Variants in ENOX1 observed in about 807,000 individuals in gnomAD.
ENOX1 encodes ecto-NOX disulfide-thiol exchanger 1.
In ENOX1, 42 loss-of-function variants were observed where a neutral mutation model predicts 82.5. That is an observed-to-expected ratio of 0.51 (90% CI 0.40 to 0.66). The LOEUF is 0.66. ENOX1 is among the 30% of genes least tolerant of loss of function. The probability of loss-of-function intolerance (pLI) is 0.00; values close to 1 mark genes in which losing one functional copy is unlikely to be tolerated. For missense variants in ENOX1, 608 were observed against 811.6 expected (o/e 0.75, Z 3.05); for synonymous variants, 271 against 282.2 (o/e 0.96, Z 0.40).
intron 1 of ENOX1, among the ~76,000 whole-genome samples, chr13:43,763,076 A>G (rs1229471901): frequency 6.6e-6 from 1 of 152,214 alleles, no homozygotes; most frequent in Non-Finnish European, 1.5e-5. Flanking sequence ...AAATAATTTT[A>G]TTCAACCTTC....
chr13:43,460,441 T>C (rs1396194544), intron 3 of ENOX1, among the ~76,000 whole-genome samples: 3 of 152,158 alleles, frequency 2.0e-5, no homozygotes, highest in Non-Finnish European at 2.9e-5. Flanking sequence ...GGTAGTAGGA[T>C]GGCCAACTGT....
At chr13:43,465,660 A>G (rs2057687304) in intron 3 of ENOX1, among the ~76,000 whole-genome samples, 1 of 152,198 alleles carries the variant, frequency 6.6e-6, no homozygotes. Flanking sequence ...ATAAATACAT[A>G]TTCAAACCCA....
rs1286628884 is a variant in ENOX1, at chr13:43,786,365, G to T, written c.-285+287C>A. On this transcript the variant is annotated intron_variant, in intron 1 of 16. Transcript: ENST00000690772. The surrounding 1 kb of genome is among the most constrained non-coding windows in gnomAD (Gnocchi z 6.0). Reference sequence around the variant, plus strand: ...CCGGAGCTGACACTGGCTGGCGGGCGGAGGGGAGAGCGGGGAACAGCTGTC... The same window carrying T: ...CCGGAGCTGACACTGGCTGGCGGGCTGAGGGGAGAGCGGGGAACAGCTGTC... Among the ~76,000 whole-genome samples, 1 of 151,852 alleles carries T rather than the reference G, an allele frequency of 6.6e-6. No individual in the cohort carries two copies. The highest frequency in any genetic ancestry group is 2.4e-5 in the African/African-American group (1 of 41,316).
chr13:43,547,204 T>C (rs1483461793), intron 2 of ENOX1: 1 of 152,226 alleles, frequency 6.6e-6, no homozygotes, highest in African/African-American at 2.4e-5. Flanking sequence ...AGATGGCTCT[T>C]GAGCAAACTC....
At chr13:43,493,383 A>G (rs1256089438) in intron 2 of ENOX1, among the ~76,000 whole-genome samples, 6 of 152,216 alleles carry the variant, frequency 3.9e-5, no homozygotes, top group African/African-American at 1.4e-4. Context: ...CTTAGAACCA[A>G]GAAAGTAGTA....
intron 3 of ENOX1, among the ~76,000 whole-genome samples, chr13:43,463,843 A>C (rs1015421963): frequency 1.3e-5 from 2 of 152,246 alleles, no homozygotes; most frequent in Non-Finnish European, 2.9e-5. Context: ...ACTACAAAAA[A>C]GAAAATAATC....
intron 5 of ENOX1, among the ~76,000 whole-genome samples, chr13:43,363,848 A>G (rs2050678457): frequency 6.6e-6 from 1 of 152,222 alleles, no homozygotes; most frequent in East Asian, 1.9e-4. Flanking sequence ...AGAAATGGGG[A>G]CAGAAGATAC....
intron 12 of ENOX1, among the ~76,000 whole-genome samples, chr13:43,285,895 T>C (rs1170329445): frequency 6.8e-6 from 1 of 146,152 alleles, no homozygotes; most frequent in East Asian, 2.1e-4. Context: ...TGTCCCCCCA[T>C]CAAATTTCTC....
chr13:43,275,818 A>T (rs1406976896), intron 12 of ENOX1, among the ~76,000 whole-genome samples: 1 of 152,178 alleles, frequency 6.6e-6, no homozygotes, highest in East Asian at 1.9e-4. Context: ...AAATTCTTAC[A>T]TGTACATGAT....
intron 5 of ENOX1, among the ~76,000 whole-genome samples, chr13:43,409,189 T>G (rs1237760153): frequency 2.0e-5 from 3 of 151,902 alleles, no homozygotes; most frequent in African/African-American, 7.3e-5. Context: ...TAAGATAAAA[T>G]AATAGGATGC....
intron 2 of ENOX1, among the ~76,000 whole-genome samples, chr13:43,496,389 A>AT (rs879258740): frequency 2.0e-3 from 288 of 143,154 alleles, no homozygotes; most frequent in African/African-American, 5.1e-3. Flanking sequence ...TTCTTTTTCT[A>AT]TTTTTTTTTT....
intron 2 of ENOX1, among the ~76,000 whole-genome samples, chr13:43,530,670 C>A (rs1318420297): frequency 6.6e-6 from 1 of 152,034 alleles, no homozygotes; most frequent in Non-Finnish European, 1.5e-5. Flanking sequence ...AAAACTGTGT[C>A]TAAATTGAAA....
intron 8 of ENOX1, 39 bp downstream of exon 8, chr13:43,355,880 C>T (rs763767872): frequency 1.3e-6 from 2 of 1,573,092 alleles, no homozygotes; most frequent in South Asian, 2.4e-5. Context: ...GTCTGGGGAT[C>T]CCTGTGGAGG....
At position 43,400,411 on chromosome 13, in the gene ENOX1, T is replaced by C. The variant is rs530575774; in HGVS notation, c.208+11505A>G. 1.3e-4 allele frequency among the ~76,000 whole-genome samples: 20 copies of C among 152,364 alleles called. No individual in the cohort carries two copies. In the South Asian group the frequency reaches 4.1e-3, roughly 32 times the overall value. ...CATTCTGGACTTCCCATGCAGGATG[T>C]ACATAGGTTGACTCAAGTCCATCTC... On this transcript the variant is annotated intron_variant, in intron 5 of 16. Transcript: ENST00000690772.
rs35793831 is a variant in ENOX1, at chr13:43,651,970, CAAAAAAAAAAAAAA to C, written c.-219+15495_-219+15508del. 3.2e-4 allele frequency among the ~76,000 whole-genome samples: 27 copies of C among 84,110 alleles called. 1 individual carries two copies. The South Asian group carries it at 0.013, about 41-fold the overall frequency. 55.2% of individuals were successfully genotyped at this position (84,110 alleles called of 152,430 possible). A position where few individuals can be genotyped will look rare whatever the true frequency, so the allele number is the denominator to read the frequency against. On this transcript the variant is annotated intron_variant, in intron 2 of 16. Transcript: ENST00000690772. Reference sequence around the variant, plus strand: ...GGGCAACAAGAGTGAAACTTCGTCTCAAAAAAAAAAAAAAAAAAAAAAAACTTCACTTTGAATCT... The same window carrying C: ...GGGCAACAAGAGTGAAACTTCGTCTCAAAAAAAAAACTTCACTTTGAATCT...
intron 3 of ENOX1, among the ~76,000 whole-genome samples, chr13:43,463,695 C>G (rs1053919488): frequency 6.6e-6 from 1 of 152,210 alleles, no homozygotes; most frequent in African/African-American, 2.4e-5. Context: ...ATGTTGTACA[C>G]ATGCCGGCTG....
chr13:43,496,526 A>G (rs1017603377), intron 2 of ENOX1, among the ~76,000 whole-genome samples: 1 of 151,728 alleles, frequency 6.6e-6, no homozygotes, highest in Admixed American at 6.6e-5. Flanking sequence ...GGAACTACTG[A>G]TGTGCACCAC....
At chr13:43,324,370 G>T (rs1452962008) in intron 10 of ENOX1, among the ~76,000 whole-genome samples, 1 of 152,162 alleles carries the variant, frequency 6.6e-6, no homozygotes, top group Non-Finnish European at 1.5e-5. Context: ...AGGAAAAAGA[G>T]CTGAGGGTGT....
intron 5 of ENOX1, among the ~76,000 whole-genome samples, chr13:43,407,249 A>C (rs971212446): frequency 2.0e-5 from 3 of 152,146 alleles, no homozygotes; most frequent in Non-Finnish European, 4.4e-5. Flanking sequence ...GCAACACCTG[A>C]CCCAAATTTT....
Sources: gnomAD v4.1 joint callset for allele counts (sites outside exome capture counted in the v4.1 genomes callset) on GRCh38, gnomAD v4.1.1 for gene constraint, Gnocchi (gnomAD v3.1) non-coding constraint, MANE v1.5 for transcripts, NCBI Gene and HGNC (gene_info 2026-07-23, HGNC 2026-07-21) for gene names.